The following CELF2 variants were observed in gnomAD, a reference collection of about 807,000 sequenced individuals.
CELF2 encodes CUGBP Elav-like family member 2.
CELF2 carries 8 observed loss-of-function variants against 62.6 expected under a neutral mutation model. That is an observed-to-expected ratio of 0.13 (90% confidence interval 0.07 to 0.23). The LOEUF is 0.23. Among genes scored for constraint, CELF2 ranks in the 10% least tolerant of loss-of-function variants. The pLI is 1.00. For missense variants in CELF2, 333 were observed against 671.0 expected (o/e 0.50, Z 5.56); for synonymous variants, 258 against 250.0 (o/e 1.03, Z -0.30).
chr10:10,813,811 A>C (rs1015430566), intron 1 of CELF2, among the ~76,000 whole-genome samples: 5 of 152,336 alleles, frequency 3.3e-5, no homozygotes, highest in African/African-American at 1.2e-4. Context: ...GTGGTTTGCT[A>C]ACTCCATTGA....
the CELF2 span, among the ~76,000 whole-genome samples, chr10:10,574,872 G>GTTTTT: frequency 9.4e-6 from 1 of 105,980 alleles, no homozygotes; most frequent in African/African-American, 3.2e-5. Context: ...ACCATGCCTG[G>GTTTTT]TTTTTTTTTT....
chr10:11,292,159 G>A (rs2092611410), intron 9 of CELF2, among the ~76,000 whole-genome samples: 1 of 152,126 alleles, frequency 6.6e-6, no homozygotes, highest in Admixed American at 6.5e-5. Context: ...ATTCTGGGTG[G>A]TATTTTCCCC....
chr10:10,693,150 C>T, the CELF2 span, among the ~76,000 whole-genome samples: 1 of 83,768 alleles, frequency 1.2e-5, no homozygotes, highest in African/African-American at 4.7e-5. Flanking sequence ...GTGGGTTTGT[C>T]ATAGATAGCT....
rs751304708 is a variant in CELF2, at chr10:11,227,890, T to G, written c.354+10383T>G. On this transcript the variant is annotated intron_variant, in intron 3 of 12. Coordinates refer to ENST00000633077, the MANE Select transcript of CELF2 (RefSeq NM_001326342.2). The surrounding 1 kb of genome is among the most constrained non-coding windows in gnomAD (Gnocchi z 4.8). ...AGTGACTGTGGGTCGCTGGGTGTAT[T>G]TTAATCTGTGACATTCCACACTTTG... is the stretch of plus-strand genomic sequence containing the variant. Among the ~76,000 whole-genome samples, 2 of 152,186 alleles carry G rather than the reference T, an allele frequency of 1.3e-5. No homozygotes were observed. The highest frequency in any genetic ancestry group is 2.9e-5 in the Non-Finnish European group (2 of 68,034).
At chr10:10,715,795 A>G in the CELF2 span, among the ~76,000 whole-genome samples, 3 of 152,216 alleles carry the variant, frequency 2.0e-5, no homozygotes, top group South Asian at 2.1e-4. Context: ...TGGGAAGCAT[A>G]AATAGCTATG....
At chr10:10,732,261 C>T in the CELF2 span, among the ~76,000 whole-genome samples, 3 of 152,196 alleles carry the variant, frequency 2.0e-5, no homozygotes, top group Non-Finnish European at 2.9e-5. Context: ...CACCCCTAGG[C>T]GGAGACTGTA....
the CELF2 span, among the ~76,000 whole-genome samples, chr10:10,777,514 C>G: frequency 6.6e-6 from 1 of 152,116 alleles, no homozygotes; most frequent in Admixed American, 6.5e-5. Context: ...CCAGCCTTCG[C>G]GACATCTTTC....
Position 11,260,803 on chromosome 10 carries a change from G to A in CELF2, c.538+2931G>A, listed in dbSNP as rs1019107727. Among the ~76,000 whole-genome samples, 7 of 151,888 alleles carry A rather than the reference G, an allele frequency of 4.6e-5. No individual in the cohort carries two copies. Among genetic ancestry groups the A allele is most frequent in the Non-Finnish European group, 1.0e-4 (7 of 67,934 alleles). The stretch of plus-strand genomic sequence containing the variant: ...CAGACAGTGGTACTTTTTTCAATTC[G>A]CAGGACCCAGGGACTCCTGGCTACA... On this transcript the variant is annotated intron_variant, in intron 5 of 12. Transcript: ENST00000633077. The surrounding 1 kb of genome is among the most constrained non-coding windows in gnomAD (Gnocchi z 4.2).
chr10:10,715,761 A>G, the CELF2 span, among the ~76,000 whole-genome samples: 1 of 152,154 alleles, frequency 6.6e-6, no homozygotes, highest in South Asian at 2.1e-4. Context: ...GGTTGCTGTA[A>G]GGATAAGTTA....
At chr10:10,649,425 C>T in the CELF2 span, among the ~76,000 whole-genome samples, 4 of 152,148 alleles carry the variant, frequency 2.6e-5, no homozygotes, top group Non-Finnish European at 5.9e-5. Context: ...TTACAGTACT[C>T]AAGTTAATAT....
At position 11,315,167 on chromosome 10, in the gene CELF2, G is replaced by A. The variant is rs371387055; in HGVS notation, c.1096+909G>A. ...AGGAAACTGATCCTCAGCCCACAGC[G>A]GGGACATGTAATTTCCCTGTCCCTC... On this transcript the variant is annotated intron_variant, in intron 10 of 12. Coordinates refer to ENST00000633077, the MANE Select transcript of CELF2 (RefSeq NM_001326342.2). This position sits in a 1 kb window ranked among gnomAD's most constrained non-coding sequence, Gnocchi z 5.8. 7.2e-5 allele frequency among the ~76,000 whole-genome samples: 11 copies of A among 152,190 alleles called. No homozygotes were observed. The highest frequency in any genetic ancestry group is 3.9e-4 in the East Asian group (2 of 5,170).
the CELF2 span, among the ~76,000 whole-genome samples, chr10:10,467,688 C>A: frequency 1.3e-5 from 2 of 151,930 alleles, no homozygotes; most frequent in Admixed American, 1.3e-4. Context: ...TCTATTGAGT[C>A]CTCCATCCAT....
chr10:10,702,683 C>T, the CELF2 span, among the ~76,000 whole-genome samples: 1 of 152,174 alleles, frequency 6.6e-6, no homozygotes, highest in African/African-American at 2.4e-5. Flanking sequence ...CTCCTAGGTT[C>T]AAGTGATTCT....
intron 1 of CELF2, among the ~76,000 whole-genome samples, chr10:11,028,343 G>A (rs1037211464): frequency 2.6e-5 from 4 of 152,090 alleles, no homozygotes; most frequent in Admixed American, 2.6e-4. Context: ...TATGAAGGCT[G>A]GTTCTGACAT....
the CELF2 span, among the ~76,000 whole-genome samples, chr10:10,749,048 T>G: frequency 6.6e-6 from 1 of 152,238 alleles, no homozygotes; most frequent in East Asian, 1.9e-4. Context: ...GTAGTATTTT[T>G]GCTTTACGGG....
intron 2 of CELF2, among the ~76,000 whole-genome samples, chr10:10,924,724 C>CTTTTTTTTTT (rs745848953): frequency 0.02 from 1,784 of 89,096 alleles, 330 homozygotes; most frequent in African/African-American, 0.08. Context: ...AACTTGATCG[C>CTTTTTTTTTT]TTTTTTTTTT....
At position 11,172,218 on chromosome 10, in the gene CELF2, T is replaced by C. The variant is rs11257003; in HGVS notation, c.271+6536T>C. ...GGAAGGGCATCTCATCCTGAATTAA[T>C]GTTATGTTAACAGAAGGCTCTGTGT... On this transcript the variant is annotated intron_variant, in intron 2 of 12. Coordinates refer to ENST00000633077, the MANE Select transcript of CELF2 (RefSeq NM_001326342.2). Among the ~76,000 whole-genome samples, 8 of 150,394 alleles carry C rather than the reference T, an allele frequency of 5.3e-5. No homozygotes were observed. In the East Asian group the frequency reaches 1.4e-3, roughly 25 times the overall value.
intron 1 of CELF2, among the ~76,000 whole-genome samples, chr10:11,124,222 A>G (rs1235178302): frequency 6.6e-6 from 1 of 152,204 alleles, no homozygotes; most frequent in East Asian, 1.9e-4. Flanking sequence ...CAGCCAAATC[A>G]TATCACTCTC....
chr10:11,078,911 T>C (rs1185715968), intron 1 of CELF2, among the ~76,000 whole-genome samples: 1 of 152,218 alleles, frequency 6.6e-6, no homozygotes, highest in Non-Finnish European at 1.5e-5. Flanking sequence ...CGTGATGTGA[T>C]TAAAGAATTA....
Sources: allele counts gnomAD v4.1 joint callset (sites outside exome capture counted in the v4.1 genomes callset), GRCh38; gene constraint gnomAD v4.1.1; non-coding constraint Gnocchi (gnomAD v3.1); transcripts MANE v1.5; gene names NCBI Gene and HGNC (gene_info 2026-07-23, HGNC 2026-07-21).